CCNJL: variants seen among roughly 807,000 people sequenced by gnomAD.
CCNJL encodes the protein cyclin-J-like protein.
CCNJL carries 33 observed loss-of-function variants against 33.4 expected under a neutral mutation model. The ratio of observed to expected loss-of-function variants is 0.99; its 90% CI spans 0.75 to 1.32. The LOEUF is 1.32. Among genes scored for constraint, CCNJL ranks in the 40% most tolerant of loss-of-function variants. CCNJL has a pLI of 0.00. For missense variants in CCNJL, 512 were observed against 499.7 expected, an observed-to-expected ratio of 1.02 and a Z score of -0.23; for synonymous variants, 227 against 220.9, an observed-to-expected ratio of 1.03 and a Z score of -0.24.
intron 2 of CCNJL, among the ~76,000 whole-genome samples, chr5:160,298,485 C>T (rs1762819981): frequency 1.3e-5 from 2 of 152,214 alleles, no homozygotes; most frequent in Admixed American, 6.5e-5. Context: ...TTATGCAACA[C>T]ACACTCTGCT....
chr5:160,253,245 G>C lies in CCNJL; in HGVS notation c.*133C>G. The C allele has an allele frequency of 1.3e-6, 1 of 783,248 alleles. No individual in the cohort carries two copies. The highest frequency in any genetic ancestry group is 1.9e-6 in the Non-Finnish European group (1 of 513,760). 48.5% of individuals were successfully genotyped at this position (783,248 alleles called of 1,614,324 possible). On this transcript the variant is annotated 3_prime_UTR_variant, in exon 6 of 6. Coordinates refer to ENST00000257536, the MANE Select transcript of CCNJL (RefSeq NM_001308173.3). ...GCTCTGGGTCAGTTTTATTTAAAAGGAGCACAGACCCTCCACGTTCCAAGG... is the reference window on the plus strand; with the variant it reads ...GCTCTGGGTCAGTTTTATTTAAAAGCAGCACAGACCCTCCACGTTCCAAGG...
chr5:160,313,996 T>G (rs1229965509), upstream of CCNJL, among the ~76,000 whole-genome samples: 1 of 152,174 alleles, frequency 6.6e-6, no homozygotes, highest in East Asian at 1.9e-4. Flanking sequence ...GGTGAAACCC[T>G]GTTTCTACTA....
At chr5:160,330,036 C>G (rs1427035653) in intron 1 of CCNJL, among the ~76,000 whole-genome samples, 1 of 152,128 alleles carries the variant, frequency 6.6e-6, no homozygotes, top group Non-Finnish European at 1.5e-5. Context: ...GGCACCTGAG[C>G]CTTCTTCATG....
chr5:160,298,232 C>T (rs1477750724), intron 2 of CCNJL, among the ~76,000 whole-genome samples: 1 of 152,108 alleles, frequency 6.6e-6, no homozygotes, highest in Non-Finnish European at 1.5e-5. Context: ...TGGTGGTGCG[C>T]ACCTGTAATC....
At chr5:160,265,475 AAAAAATTT>A (rs1362546313) in intron 3 of CCNJL, among the ~76,000 whole-genome samples, 11 of 152,096 alleles carry the variant, frequency 7.2e-5, no homozygotes, top group African/African-American at 2.2e-4. Flanking sequence ...GTCTCTACTA[AAAAAATTT>A]AAAAATTACC....
At chr5:160,336,954 A>ATTT (rs112451858) in intron 1 of CCNJL, among the ~76,000 whole-genome samples, 27 of 124,062 alleles carry the variant, frequency 2.2e-4, no homozygotes, top group African/African-American at 8.0e-4. Context: ...CCTTGCTGGG[A>ATTT]TTTTTTTTTT....
chr5:160,304,967 C>G (rs1291692647), intron 2 of CCNJL, among the ~76,000 whole-genome samples: 1 of 152,092 alleles, frequency 6.6e-6, no homozygotes, highest in Non-Finnish European at 1.5e-5. Flanking sequence ...GTGCACACCA[C>G]CACGCCCGGC....
At chr5:160,314,568 A>T (rs187726479), upstream of CCNJL, among the ~76,000 whole-genome samples, 64 of 152,382 alleles carry the variant, frequency 4.2e-4, no homozygotes, top group Non-Finnish European at 8.5e-4. Context: ...GGAAGAAACC[A>T]AAGGCAAGGT....
intron 2 of CCNJL, among the ~76,000 whole-genome samples, chr5:160,282,656 C>G (rs1762253783): frequency 6.6e-6 from 1 of 151,976 alleles, no homozygotes; most frequent in Non-Finnish European, 1.5e-5. Context: ...ACTGACCAGA[C>G]AGTTCTCCAA....
intron 2 of CCNJL, among the ~76,000 whole-genome samples, chr5:160,302,814 TAAAA>T (rs35600220): frequency 3.5e-5 from 5 of 143,466 alleles, no homozygotes; most frequent in African/African-American, 1.0e-4. Context: ...TCTGTCTCAA[TAAAA>T]AAAAAAAAAT....
intron 4 of CCNJL, among the ~76,000 whole-genome samples, chr5:160,256,978 C>G (rs1350858823): frequency 1.3e-5 from 2 of 151,676 alleles, no homozygotes; most frequent in Non-Finnish European, 2.9e-5. Flanking sequence ...TTTTAAAGAT[C>G]AGTTCATAGG....
intron 1 of CCNJL, among the ~76,000 whole-genome samples, chr5:160,317,930 C>T (rs1763397189): frequency 6.6e-6 from 1 of 152,144 alleles, no homozygotes; most frequent in Non-Finnish European, 1.5e-5. Context: ...TCTTCCTTGG[C>T]TTGTAGCTAC....
At chr5:160,303,708 G>T (rs1049750096) in intron 2 of CCNJL, among the ~76,000 whole-genome samples, 2 of 91,248 alleles carry the variant, frequency 2.2e-5, no homozygotes, top group Non-Finnish European at 4.6e-5. Context: ...GTCTGTGTGT[G>T]TGTGTGTGTG....
At chr5:160,330,370 A>T (rs2113481082) in intron 1 of CCNJL, among the ~76,000 whole-genome samples, 1 of 152,256 alleles carries the variant, frequency 6.6e-6, no homozygotes, top group East Asian at 1.9e-4. Flanking sequence ...TGGGTCAAGA[A>T]CCACAGATGG....
At position 160,283,727 on chromosome 5, in the gene CCNJL, A is replaced by G. The variant is rs148685847; in HGVS notation, c.67-2989T>C. On this transcript the variant is annotated intron_variant, in intron 2 of 5. Transcript: ENST00000257536. ...ATAGTATGTCTTATTCATTCTTTAT[A>G]TATTTTTTGTACCCATTAACCATCC... Among the ~76,000 whole-genome samples the G allele has an allele frequency of 2.6e-3, 401 of 152,252 alleles. 3 individuals carry two copies. Among genetic ancestry groups the G allele is most frequent in the African/African-American group, 9.1e-3 (380 of 41,532 alleles).
chr5:160,264,264 C>A (rs144935327), intron 3 of CCNJL, among the ~76,000 whole-genome samples: 1 of 152,202 alleles, frequency 6.6e-6, no homozygotes, highest in Non-Finnish European at 1.5e-5. Flanking sequence ...CATTCTAAAC[C>A]TAGTGAAGCA....
chr5:160,295,360 A>G (rs1275253064), intron 2 of CCNJL, among the ~76,000 whole-genome samples: 1 of 152,146 alleles, frequency 6.6e-6, no homozygotes, highest in Non-Finnish European at 1.5e-5. Context: ...ATGGTGGTGC[A>G]CACCCGTAGT....
At position 160,253,719 on chromosome 5, in the gene CCNJL, G is replaced by C; in HGVS notation, c.823C>G (p.Pro275Ala). 1.3e-6 allele frequency: 2 copies of C among 1,586,420 alleles called. No homozygotes were observed. Among genetic ancestry groups the C allele is most frequent in the Non-Finnish European group, 1.7e-6 (2 of 1,167,252 alleles). ...LAMVPGTPPT[P>A]TQVLFQPPAY... ...GGTGGCTGGAACAGCACTTGAGTGG[G>C]GGTGGGGGGTGTGCCGGGCACCATT... Residue 275 changes from proline (P) to alanine (A), a missense_variant, in exon 6 of 6, where the codon CCC (proline) becomes GCC (alanine). By Grantham distance (27) the Pro-to-Ala change is conservative. Transcript: ENST00000257536.
At chr5:160,310,581 C>T (rs907159151) in intron 2 of CCNJL, among the ~76,000 whole-genome samples, 1 of 152,168 alleles carries the variant, frequency 6.6e-6, no homozygotes, top group Non-Finnish European at 1.5e-5. Context: ...AGACCTTTTC[C>T]TCCCTGTATT....
Sources: allele counts gnomAD v4.1 joint callset (sites outside exome capture counted in the v4.1 genomes callset), GRCh38; gene constraint gnomAD v4.1.1; transcripts MANE v1.5; gene names NCBI Gene and HGNC (gene_info 2026-07-23, HGNC 2026-07-21).